The following CACNA1E variants were observed in gnomAD, a reference collection of about 807,000 sequenced individuals.
CACNA1E encodes the protein voltage-dependent R-type calcium channel subunit alpha-1E.
A neutral mutation model predicts 259.2 loss-of-function variants in CACNA1E; 40 were observed. The ratio of observed to expected loss-of-function variants is 0.15; its 90% CI spans 0.12 to 0.20. CACNA1E has a LOEUF of 0.20. Among genes scored for constraint, CACNA1E ranks in the 10% least tolerant of loss-of-function variants. The pLI is 1.00. For missense variants in CACNA1E, 1,874 were observed against 3,040.1 expected (o/e 0.62, Z 9.02); for synonymous variants, 1,104 against 1,138.5 (o/e 0.97, Z 0.61).
At chr1:181,665,668 G>A (rs1395154777) in intron 7 of CACNA1E, among the ~76,000 whole-genome samples, 1 of 151,980 alleles carries the variant, frequency 6.6e-6, no homozygotes, top group East Asian at 1.9e-4. Context: ...TAAATACCCT[G>A]ATTTAATCAT....
At chr1:181,318,203 C>G (rs1364081824) in intron 1 of CACNA1E, 1 of 152,200 alleles carries the variant, frequency 6.6e-6, no homozygotes, top group Admixed American at 6.5e-5. Context: ...CGCTGCACTC[C>G]CCGGCGGCGC....
Position 181,711,049 on chromosome 1 carries a change from G to A in CACNA1E, c.1151G>A (p.Arg384His), listed in dbSNP as rs370964593. The change falls in exon 8 of 48, where the codon CGT (arginine) becomes CAT (histidine). Residue 384 changes from arginine to histidine, a missense_variant. Physicochemically the swap from Arg to His is conservative, Grantham distance 29. Coordinates refer to ENST00000367573, the MANE Select transcript of CACNA1E (RefSeq NM_001205293.3). ...QQIERELNGY[R>H]AWIDKAEEVM... ...ATTGAGCGTGAGCTGAATGGCTACCGTGCCTGGATAGACAAAGCAGGTAGG... is the reference window on the plus strand; with the variant it reads ...ATTGAGCGTGAGCTGAATGGCTACCATGCCTGGATAGACAAAGCAGGTAGG... 7.4e-6 allele frequency: 12 copies of A among 1,613,440 alleles called. No homozygotes were observed. Among genetic ancestry groups the A allele is most frequent in the African/African-American group, 1.3e-5 (1 of 75,042 alleles).
At chr1:181,662,418 T>G (rs976874017) in intron 7 of CACNA1E, among the ~76,000 whole-genome samples, 7 of 152,176 alleles carry the variant, frequency 4.6e-5, no homozygotes, top group South Asian at 2.1e-4. Context: ...CCATGCCCTA[T>G]GTATAGCCTA....
At chr1:181,364,332 C>T (rs935341714) in intron 1 of CACNA1E, among the ~76,000 whole-genome samples, 17 of 152,182 alleles carry the variant, frequency 1.1e-4, no homozygotes, top group Admixed American at 6.5e-4. Flanking sequence ...TGATGCCCGT[C>T]GTTAATTGTC....
In CACNA1E at chr1:181,345,597, G is replaced by A. The variant is rs76038427; in HGVS notation, c.-15+27474G>A. On this transcript the variant is annotated intron_variant, in intron 1 of 11. Transcript: ENST00000524607. ...TAGAATGTCAGGTCAGTCTACTGGC[G>A]GAGAGGAGACATAGATGAACACGCT... 7.9e-5 allele frequency among the ~76,000 whole-genome samples: 12 copies of A among 152,234 alleles called. No homozygotes were observed. The East Asian group carries it at 2.1e-3, about 27-fold the overall frequency.
chr1:181,683,612 C>G (rs1357353212), intron 7 of CACNA1E, among the ~76,000 whole-genome samples: 2 of 152,162 alleles, frequency 1.3e-5, no homozygotes, highest in African/African-American at 4.8e-5. Context: ...CAAGTTGGCC[C>G]TGATATCTAT....
Position 181,376,667 on chromosome 1 carries a change from T to C in CACNA1E, c.-14-36466T>C, listed in dbSNP as rs116265120. ...GGTTGGCGGGGATGGGAACTGGTTT[T>C]AGTTTTTTGACATCATGTCACTCTT... On this transcript the variant is annotated intron_variant, in intron 1 of 11. Transcript: ENST00000524607. Among the ~76,000 whole-genome samples, 767 of 152,292 alleles carry C rather than the reference T, an allele frequency of 5.0e-3. 5 individuals are homozygous for C. Among genetic ancestry groups the C allele is most frequent in the African/African-American group, 0.016 (685 of 41,562 alleles).
chr1:181,464,825 G>T (rs1221840622), intron 2 of CACNA1E, among the ~76,000 whole-genome samples: 1 of 152,032 alleles, frequency 6.6e-6, no homozygotes, highest in Non-Finnish European at 1.5e-5. Context: ...CTTAGTCCGT[G>T]TTCCCTGTGA....
intron 3 of CACNA1E, among the ~76,000 whole-genome samples, chr1:181,546,827 G>C (rs900549694): frequency 2.0e-5 from 3 of 152,192 alleles, no homozygotes; most frequent in Non-Finnish European, 2.9e-5. Context: ...TTGGTGTCTG[G>C]TGTTAGCCTG....
At chr1:181,498,996 G>A (rs934998257) in intron 1 of CACNA1E, among the ~76,000 whole-genome samples, 1 of 152,216 alleles carries the variant, frequency 6.6e-6, no homozygotes, top group Non-Finnish European at 1.5e-5. Flanking sequence ...TAGAGGTGAA[G>A]CCAACCAGCA....
At chr1:181,389,426 T>C (rs1468323621) in intron 1 of CACNA1E, among the ~76,000 whole-genome samples, 1 of 151,918 alleles carries the variant, frequency 6.6e-6, no homozygotes, top group Non-Finnish European at 1.5e-5. Context: ...CCTGCATAGG[T>C]CCACAGATGA....
intron 6 of CACNA1E, among the ~76,000 whole-genome samples, chr1:181,627,435 T>G (rs1421647634): frequency 6.6e-6 from 1 of 152,228 alleles, no homozygotes; most frequent in African/African-American, 2.4e-5. Flanking sequence ...CGTGAATGTT[T>G]CTGAGAGGGA....
intron 7 of CACNA1E, among the ~76,000 whole-genome samples, chr1:181,673,857 A>C (rs2102215476): frequency 6.6e-6 from 1 of 152,032 alleles, no homozygotes; most frequent in African/African-American, 2.4e-5. Context: ...CCTCAATATA[A>C]CCACCATTTT....
chr1:181,607,112 A>C (rs560572931), intron 6 of CACNA1E, among the ~76,000 whole-genome samples: 27 of 152,258 alleles, frequency 1.8e-4, no homozygotes, highest in African/African-American at 6.5e-4. Context: ...TGTCTCCAGG[A>C]TATGGCACCC....
chr1:181,733,200 TC>T (rs1461455135), intron 20 of CACNA1E, among the ~76,000 whole-genome samples, 166 bp downstream of exon 20: 1 of 152,012 alleles, frequency 6.6e-6, no homozygotes, highest in Non-Finnish European at 1.5e-5. Context: ...GTGGGCTCTG[TC>T]CCCCCAAAAA....
intron 6 of CACNA1E, among the ~76,000 whole-genome samples, chr1:181,631,370 T>C (rs1181692525): frequency 1.9e-5 from 2 of 105,390 alleles, no homozygotes; most frequent in African/African-American, 6.3e-5. Context: ...CCTCTCTAAA[T>C]GTCTTTTTTC....
intron 1 of CACNA1E, among the ~76,000 whole-genome samples, chr1:181,505,002 C>T (rs1038507207): frequency 1.3e-5 from 2 of 152,078 alleles, no homozygotes; most frequent in Non-Finnish European, 2.9e-5. Flanking sequence ...TGAGCTGGTA[C>T]AGGAGGGAAG....
At chr1:181,593,770 C>T (rs1236778401) in intron 6 of CACNA1E, among the ~76,000 whole-genome samples, 3 of 152,112 alleles carry the variant, frequency 2.0e-5, no homozygotes, top group African/African-American at 4.8e-5. Context: ...AACTCCTGAC[C>T]TCGTGATCCC....
At chr1:181,355,391 C>G (rs1653347108) in intron 1 of CACNA1E, among the ~76,000 whole-genome samples, 1 of 152,086 alleles carries the variant, frequency 6.6e-6, no homozygotes, top group Admixed American at 6.6e-5. Context: ...AGTTTAAGAC[C>G]AGCTTGACCA....
Sources: gnomAD v4.1 joint callset for allele counts (sites outside exome capture counted in the v4.1 genomes callset) on GRCh38, gnomAD v4.1.1 for gene constraint, MANE v1.5 for transcripts, NCBI Gene and HGNC (gene_info 2026-07-23, HGNC 2026-07-21) for gene names.